ZFHX4: variants seen among roughly 807,000 people sequenced by gnomAD.
ZFHX4 encodes zinc finger homeobox protein 4.
ZFHX4 carries 56 observed loss-of-function variants against 267.6 expected under a neutral mutation model. The observed-to-expected ratio is 0.21, with a 90% CI of 0.17 to 0.26. The LOEUF (loss-of-function observed/expected upper bound fraction) is 0.26, where lower values mean the gene tolerates loss of function less well. Ranked by LOEUF, ZFHX4 falls within the 10% of genes least tolerant of loss-of-function variation. The pLI, the probability that ZFHX4 is intolerant of heterozygous loss-of-function variation, is 1.00. For missense variants in ZFHX4, 4,332 were observed against 4,420.0 expected (o/e 0.98, Z 0.56); for synonymous variants, 1,778 against 1,665.6 (o/e 1.07, Z -1.64).
chr8:76,752,463 GA>G (rs1809639482), intron 3 of ZFHX4, among the ~76,000 whole-genome samples: 1 of 101,874 alleles, frequency 9.8e-6, no homozygotes, highest in Admixed American at 1.4e-4. Flanking sequence ...CCAACATGGT[GA>G]AACCCTGTCT....
chr8:76,727,235 C>T (rs1484226981), intron 3 of ZFHX4, among the ~76,000 whole-genome samples: 2 of 152,020 alleles, frequency 1.3e-5, no homozygotes, highest in Non-Finnish European at 2.9e-5. Flanking sequence ...CCAAAAGGAG[C>T]CTCTTTCTGC....
chr8:76,686,943 C>T (rs570566057), intron 1 of ZFHX4, among the ~76,000 whole-genome samples: 19 of 152,262 alleles, frequency 1.2e-4, no homozygotes, highest in African/African-American at 4.3e-4. Flanking sequence ...AGGGTTTCCC[C>T]CCCTTCTAAG....
At chr8:76,796,256 T>C (rs1157931020) in intron 4 of ZFHX4, among the ~76,000 whole-genome samples, 1 of 152,206 alleles carries the variant, frequency 6.6e-6, no homozygotes, top group Non-Finnish European at 1.5e-5. Flanking sequence ...GATAGCTGAC[T>C]ATTGCACACA....
intron 1 of ZFHX4, among the ~76,000 whole-genome samples, chr8:76,703,799 A>G (rs1050292706): frequency 1.3e-5 from 2 of 152,214 alleles, no homozygotes; most frequent in African/African-American, 4.8e-5. Flanking sequence ...TAGACTTCTT[A>G]TGAATGCTCA....
rs770446438 is a variant in ZFHX4, at chr8:76,855,570, C to G, written c.8649C>G (p.Asp2883Glu). The part of the protein sequence containing the change: ...IHFNDKDGDH[D>E]QSFYITDDPD... ...TCAATGACAAAGATGGCGACCACGA[C>G]CAAAGCTTTTACATCACAGATGACC... The change falls in exon 10 of 11, where the codon GAC becomes GAG. Residue 2883 changes from aspartate (D) to glutamate (E), a missense_variant. By Grantham distance (45) the Asp-to-Glu change is conservative. Around this residue, in one of 7 missense-constraint regions of ZFHX4, gnomAD observed 1,648 missense variants for 1,625.0 expected, o/e 1.01. Coordinates refer to ENST00000651372, the MANE Select transcript of ZFHX4 (RefSeq NM_024721.5). 13 of 1,613,774 alleles carry G rather than the reference C, an allele frequency of 8.1e-6. No individual in the cohort carries two copies. The highest frequency in any genetic ancestry group is 2.2e-5 in the South Asian group (2 of 91,080).
At chr8:76,773,201 T>C (rs1810314097) in intron 3 of ZFHX4, among the ~76,000 whole-genome samples, 1 of 152,114 alleles carries the variant, frequency 6.6e-6, no homozygotes, top group Admixed American at 6.6e-5. Context: ...CTATTTCTTA[T>C]TCATTCAGAT....
In ZFHX4 at chr8:76,774,999, G is replaced by T. The variant is rs1189326494; in HGVS notation, c.3094-3209G>T. Among the ~76,000 whole-genome samples the T allele has an allele frequency of 2.0e-5, 3 of 152,104 alleles. 1 individual carries two copies. Among genetic ancestry groups the T allele is most frequent in the Admixed American group, 2.0e-4 (3 of 15,256 alleles). ...ACTTGGGAGATATTAGGCATAAATTGAATGTTTCCAGCTAAAATTATATGT... is the reference window on the plus strand; with the variant it reads ...ACTTGGGAGATATTAGGCATAAATTTAATGTTTCCAGCTAAAATTATATGT... On this transcript the variant is annotated intron_variant, in intron 3 of 10. Coordinates refer to ENST00000651372, the MANE Select transcript of ZFHX4 (RefSeq NM_024721.5).
At chr8:76,721,390 C>T (rs1040893599) in intron 3 of ZFHX4, among the ~76,000 whole-genome samples, 1 of 152,094 alleles carries the variant, frequency 6.6e-6, no homozygotes, top group African/African-American at 2.4e-5. Context: ...TACAGAGAGG[C>T]TTATTTATCC....
intron 6 of ZFHX4, among the ~76,000 whole-genome samples, chr8:76,843,952 C>T (rs368781814): frequency 1.3e-5 from 2 of 152,062 alleles, no homozygotes; most frequent in South Asian, 2.1e-4. Flanking sequence ...GTGAGAAAAG[C>T]GTCACTGAGA....
chr8:76,860,994 G>T (rs1812851529), intron 10 of ZFHX4, among the ~76,000 whole-genome samples: 1 of 152,154 alleles, frequency 6.6e-6, no homozygotes, highest in South Asian at 2.1e-4. Flanking sequence ...GGCCCCCAAA[G>T]GCATATCTAT....
intron 3 of ZFHX4, among the ~76,000 whole-genome samples, chr8:76,742,322 A>G (rs1809339258): frequency 6.6e-6 from 1 of 152,076 alleles, no homozygotes; most frequent in Non-Finnish European, 1.5e-5. Flanking sequence ...TGTTTTAGTA[A>G]TTTGAATCTG....
chr8:76,704,946 T>G lies in ZFHX4; in HGVS notation c.858T>G (p.Ser286=). The G allele has an allele frequency of 6.2e-7, 1 of 1,614,068 alleles. No homozygotes were observed. The highest frequency in any genetic ancestry group is 1.1e-5 in the South Asian group (1 of 91,084). The change falls in exon 2 of 11, where the codon TCT becomes TCG. Residue 286 remains serine (S), a synonymous_variant. Transcript: ENST00000651372. ...PVLMCFLCKL[S]FGYIRSFVTH... ...TAATGTGTTTCTTGTGCAAGTTGTC[T>G]TTTGGTTATATCAGGTCATTTGTAA... is the stretch of plus-strand genomic sequence containing the variant.
Position 76,705,197 on chromosome 8 carries a change from A to G in ZFHX4, c.1109A>G (p.Glu370Gly), listed in dbSNP as rs774655361. The G allele has an allele frequency of 8.7e-6, 14 of 1,613,862 alleles. No homozygotes were observed. The highest frequency in any genetic ancestry group is 1.2e-5 in the Non-Finnish European group (14 of 1,179,910). The change falls in exon 2 of 11, where the codon GAA (glutamate) becomes GGA (glycine). Residue 370 changes from glutamate (E) to glycine (G), a missense_variant. Coordinates refer to ENST00000651372, the MANE Select transcript of ZFHX4 (RefSeq NM_024721.5). Reference protein sequence around the residue: ...FRGLWSAFHVENGDSLPAGFA... With the variant: ...FRGLWSAFHVGNGDSLPAGFA... The stretch of plus-strand genomic sequence containing the variant: ...GGTTTATGGAGCGCTTTTCATGTTG[A>G]AAATGGTGACTCTTTGCCGGCTGGC...
chr8:76,767,632 T>C (rs529596019), intron 3 of ZFHX4, among the ~76,000 whole-genome samples: 162 of 152,344 alleles, frequency 1.1e-3, no homozygotes, highest in Non-Finnish European at 1.7e-3. Flanking sequence ...TGACAGGTTG[T>C]ATTAACCACA....
At chr8:76,848,268 T>C (rs1812415344) in intron 6 of ZFHX4, among the ~76,000 whole-genome samples, 1 of 152,278 alleles carries the variant, frequency 6.6e-6, no homozygotes, top group South Asian at 2.1e-4. Flanking sequence ...ATTGGGAAAT[T>C]AGAATTGCAC....
At chr8:76,695,414 A>G (rs574902765) in intron 1 of ZFHX4, among the ~76,000 whole-genome samples, 1 of 152,352 alleles carries the variant, frequency 6.6e-6, no homozygotes, top group Admixed American at 6.5e-5. Flanking sequence ...ATATTGGAGT[A>G]CACAAAGATA....
At chr8:76,767,044 GGTGTGTGTGTGTGTGT>G (rs34640815) in intron 3 of ZFHX4, among the ~76,000 whole-genome samples, 2 of 146,832 alleles carry the variant, frequency 1.4e-5, no homozygotes, top group African/African-American at 5.0e-5. Flanking sequence ...CTCATAAAGG[GGTGTGTGTGTGTGTGT>G]GTGTGTGTGT....
chr8:76,729,736 G>T (rs935181008), intron 3 of ZFHX4, among the ~76,000 whole-genome samples: 1 of 152,120 alleles, frequency 6.6e-6, no homozygotes, highest in Non-Finnish European at 1.5e-5. Flanking sequence ...GAACAAAACA[G>T]AAATATTATA....
rs888594158 is a variant in ZFHX4, at chr8:76,753,414, G to A, written c.3094-24794G>A. Among the ~76,000 whole-genome samples the A allele has an allele frequency of 3.3e-5, 5 of 151,878 alleles. No individual in the cohort carries two copies. In the South Asian group the frequency reaches 6.2e-4, roughly 19 times the overall value. ...ATTTATTTTAAAATATATTTATATT[G>A]CATAAATAATACTTATTTCAAACAA... On this transcript the variant is annotated intron_variant, in intron 3 of 10. Coordinates refer to ENST00000651372, the MANE Select transcript of ZFHX4 (RefSeq NM_024721.5).
Sources: allele counts gnomAD v4.1 joint callset (sites outside exome capture counted in the v4.1 genomes callset), GRCh38; gene constraint gnomAD v4.1.1; regional missense constraint gnomAD v4.1.1; transcripts MANE v1.5; gene names NCBI Gene and HGNC (gene_info 2026-07-23, HGNC 2026-07-21).